Variants in MID1 observed in about 807,000 individuals in gnomAD.
MID1 encodes the protein midline 1.
In MID1, 7 loss-of-function variants were observed where a neutral mutation model predicts 40.4. The ratio of observed to expected loss-of-function variants is 0.17; its 90% CI spans 0.10 to 0.33. The LOEUF (loss-of-function observed/expected upper bound fraction) is 0.33, where lower values mean the gene tolerates loss of function less well. Among genes scored for constraint, MID1 ranks in the 10% least tolerant of loss-of-function variants. The pLI is 1.00. For missense variants in MID1, 367 were observed against 558.5 expected (o/e 0.66, Z 3.46); for synonymous variants, 229 against 221.2 (o/e 1.04, Z -0.31).
At chrX:10,502,818 A>G (rs766304595) in intron 3 of MID1, among the ~76,000 whole-genome samples, 1 of 112,209 alleles carries the variant, frequency 8.9e-6, no homozygotes, top group Admixed American at 9.4e-5. Flanking sequence ...ATTTTTATAC[A>G]TGATGCTAGG....
chrX:10,617,837 C>T (rs1432826389), intron 1 of MID1, among the ~76,000 whole-genome samples: 3 of 112,356 alleles, frequency 2.7e-5, no homozygotes, highest in Non-Finnish European at 3.8e-5. Flanking sequence ...CGTTTATGAT[C>T]AGAGGGCAGA....
chrX:10,810,482 G>T (rs759378144), intron 1 of MID1, among the ~76,000 whole-genome samples: 1 of 111,907 alleles, frequency 8.9e-6, no homozygotes, highest in Non-Finnish European at 1.9e-5. Context: ...GTGAACACTG[G>T]TGTACAAGTG....
chrX:10,830,869 G>GAT (rs1160449948), intron 1 of MID1, among the ~76,000 whole-genome samples: 2 of 111,810 alleles, frequency 1.8e-5, no homozygotes, highest in Non-Finnish European at 3.8e-5. Context: ...GGACAAACTG[G>GAT]ATAACATGTA....
chrX:10,516,591 TGTGTGTGTGTGTGTGTGTGCGCGC>T (rs1454359363), intron 3 of MID1, among the ~76,000 whole-genome samples: 20 of 83,506 alleles, frequency 2.4e-4, no homozygotes, highest in African/African-American at 1.2e-3. Flanking sequence ...TGTGTGTGTG[TGTGTGTGTGTGTGTGTGTGCGCGC>T]GCGCACGCGT....
intron 1 of MID1, among the ~76,000 whole-genome samples, chrX:10,596,365 T>C (rs1176268476): frequency 5.3e-5 from 6 of 112,329 alleles, no homozygotes; most frequent in Non-Finnish European, 1.1e-4. Context: ...CCATTCTTTC[T>C]ACTCAGTGAA....
rs769447352 is a variant in MID1 at position 10,700,820 on chromosome X, A to G, written c.-186-80401T>C. On this transcript the variant is annotated intron_variant, in intron 1 of 10. Transcript: ENST00000380785. ...ATGATGATGTGGAGTCTACATGTGC[A>G]ATAATAATGTTCTTTTGTGACATCG... 2.7e-5 allele frequency among the ~76,000 whole-genome samples: 3 copies of G among 112,197 alleles called. No individual in the cohort carries two copies. The South Asian group carries it at 1.1e-3, about 42-fold the overall frequency.
At chrX:10,613,696 A>AATATATATATATATATAT (rs1177605401) in intron 1 of MID1, among the ~76,000 whole-genome samples, 3 of 16,851 alleles carry the variant, frequency 1.8e-4, no homozygotes, top group Non-Finnish European at 2.6e-4. Context: ...AACTGAAAGG[A>AATATATATATATATATAT]ATATATATAT....
At chrX:10,754,989 C>T (rs1485135314) in intron 1 of MID1, among the ~76,000 whole-genome samples, 3 of 111,807 alleles carry the variant, frequency 2.7e-5, no homozygotes, top group Non-Finnish European at 5.6e-5. Context: ...GGCTGTTGCT[C>T]ATACCAACAG....
intron 1 of MID1, among the ~76,000 whole-genome samples, chrX:10,593,179 C>G (rs1001146112): frequency 8.9e-6 from 1 of 112,165 alleles, no homozygotes; most frequent in Non-Finnish European, 1.9e-5. Context: ...CATTTACATG[C>G]TAAACAAAAT....
intron 1 of MID1, among the ~76,000 whole-genome samples, chrX:10,813,718 C>T (rs1007322546): frequency 3.6e-5 from 4 of 111,468 alleles, no homozygotes; most frequent in Non-Finnish European, 7.5e-5. Flanking sequence ...TTATGCTGGA[C>T]CTACTAGCAT....
chrX:10,828,186 A>C (rs1043221415), intron 1 of MID1, among the ~76,000 whole-genome samples: 1 of 112,149 alleles, frequency 8.9e-6, no homozygotes, highest in Non-Finnish European at 1.9e-5. Context: ...CGCTTTGATA[A>C]AGCTGCCCTG....
At chrX:10,767,593 A>C (rs1439152480) in intron 1 of MID1, among the ~76,000 whole-genome samples, 7 of 112,147 alleles carry the variant, frequency 6.2e-5, no homozygotes, top group Non-Finnish European at 1.3e-4. Flanking sequence ...TGCTGGGATT[A>C]CAGGCATGAG....
chrX:10,496,564 C>T (rs1931262369), intron 3 of MID1, among the ~76,000 whole-genome samples: 1 of 112,652 alleles, frequency 8.9e-6, no homozygotes. Flanking sequence ...TATTTTAACA[C>T]AGCCACAGGA....
At chrX:10,494,691 CTGA>C (rs1931138224) in intron 4 of MID1, among the ~76,000 whole-genome samples, 1 of 104,472 alleles carries the variant, frequency 9.6e-6, no homozygotes, top group East Asian at 3.0e-4. Context: ...GGAGGATTGT[CTGA>C]GCCCGGGAGG....
At chrX:10,614,903 C>T (rs2062008382) in intron 1 of MID1, among the ~76,000 whole-genome samples, 1 of 112,137 alleles carries the variant, frequency 8.9e-6, no homozygotes, top group Non-Finnish European at 1.9e-5. Flanking sequence ...GATTATTTTT[C>T]GCTGGAAAAT....
chrX:10,785,367 A>G (rs1281819747), intron 1 of MID1, among the ~76,000 whole-genome samples: 17 of 111,256 alleles, frequency 1.5e-4, no homozygotes, highest in Non-Finnish European at 2.8e-4. Flanking sequence ...GGAAGAATCA[A>G]TATCATGAAA....
chrX:10,818,611 G>A (rs2044154708), intron 1 of MID1, among the ~76,000 whole-genome samples: 1 of 111,860 alleles, frequency 8.9e-6, no homozygotes, highest in African/African-American at 3.3e-5. Context: ...AAAGCCTTTT[G>A]GTGGGCACCC....
At chrX:10,777,187 TTTTA>T (rs1174663919) in intron 1 of MID1, among the ~76,000 whole-genome samples, 3 of 111,548 alleles carry the variant, frequency 2.7e-5, no homozygotes, top group African/African-American at 9.8e-5. Context: ...TACGTACTTA[TTTTA>T]TTTGTTTGTT....
At chrX:10,643,212 T>C (rs992283390) in intron 1 of MID1, among the ~76,000 whole-genome samples, 10 of 110,837 alleles carry the variant, frequency 9.0e-5, no homozygotes, top group African/African-American at 3.0e-4. Flanking sequence ...GAAACTACCA[T>C]CAGAGTGAAC....
Sources: gnomAD v4.1 joint callset for allele counts (sites outside exome capture counted in the v4.1 genomes callset) on GRCh38, gnomAD v4.1.1 for gene constraint, MANE v1.5 for transcripts, NCBI Gene and HGNC (gene_info 2026-07-23, HGNC 2026-07-21) for gene names.